The following CAPN15 variants were observed in gnomAD, a reference collection of about 807,000 sequenced individuals.
The protein encoded by CAPN15 is calpain-15.
Under a neutral mutation model 97.9 loss-of-function variants are expected in CAPN15, and 53 were observed. The observed-to-expected ratio is 0.54, with a 90% CI of 0.43 to 0.68. The LOEUF is 0.68. Among genes scored for constraint, CAPN15 ranks in the 30% least tolerant of loss-of-function variants. CAPN15 has a pLI of 0.00. For synonymous variants in CAPN15, 922 were observed against 722.5 expected, an observed-to-expected ratio of 1.28 and a Z score of -4.43; for missense variants, 1,592 against 1,589.8, an observed-to-expected ratio of 1.00 and a Z score of -0.02.
intron 3 of CAPN15, among the ~76,000 whole-genome samples, chr16:543,633 C>T (rs1379122832): frequency 6.6e-6 from 1 of 152,184 alleles, no homozygotes; most frequent in Non-Finnish European, 1.5e-5. Context: ...AAACAGGCCC[C>T]CAAGGTGCAT....
rs763102055 is a variant in CAPN15, at chr16:548,180, G to A, written c.1342G>A (p.Ala448Thr). Residue 448 changes from alanine to threonine, a missense_variant, in exon 4 of 14, where the codon GCC (alanine) becomes ACC (threonine). Physicochemically the swap from Ala to Thr is moderately conservative, Grantham distance 58. This residue lies in a region of CAPN15 where 883 missense variants were observed against 776.6 expected (regional missense o/e 1.14). Coordinates refer to ENST00000219611, the MANE Select transcript of CAPN15 (RefSeq NM_005632.3). ...GCTCCTGGTGGCCCAGCGGCGGGGG[G>A]CCGCGCCCCTGAGGCGCAGGGAGAG... ...PQLLVAQRRG[A>T]APLRRRESMH... The A allele has an allele frequency of 1.4e-5, 22 of 1,531,142 alleles. No individual in the cohort carries two copies. In the African/African-American group the frequency reaches 1.7e-4, roughly 12 times the overall value. 94.8% of individuals were successfully genotyped at this position (1,531,142 alleles called of 1,614,324 possible).
Position 547,297 on chromosome 16 carries a change from G to T in CAPN15, c.459G>T (p.Thr153=). 2 of 1,518,304 alleles carry T rather than the reference G, an allele frequency of 1.3e-6. No individual in the cohort carries two copies. Among genetic ancestry groups the T allele is most frequent in the Non-Finnish European group, 1.8e-6 (2 of 1,137,532 alleles). The allele number at this position is 1,518,304 out of a possible 1,614,324, so 94.1% of individuals were successfully genotyped here. A position where few individuals can be genotyped will look rare whatever the true frequency, so the allele number is the denominator to read the frequency against. The change falls in exon 4 of 14, where the codon ACG becomes ACT. Residue 153 remains threonine (T), a synonymous_variant. Coordinates refer to ENST00000219611, the MANE Select transcript of CAPN15 (RefSeq NM_005632.3). Reference sequence around the variant, plus strand: ...GGGGCTGGGCGTGTCCGCGTTGCACGCTGCACAACACGCCCGTGGCCAGCT... The same window carrying T: ...GGGGCTGGGCGTGTCCGCGTTGCACTCTGCACAACACGCCCGTGGCCAGCT... ...PRGGWACPRC[T]LHNTPVASSC...
At position 553,388 on chromosome 16, in the gene CAPN15, A is replaced by G. The variant is rs1337353865; in HGVS notation, c.3133A>G (p.Ile1045Val). 3 of 1,605,302 alleles carry G rather than the reference A, an allele frequency of 1.9e-6. No homozygotes were observed. Among genetic ancestry groups the G allele is most frequent in the African/African-American group, 1.4e-5 (1 of 72,300 alleles). ...GCTAGAGGGCAACGCCGGCTTCTCT[A>G]TCACCCACCGCCTGGCACATCGCAA... ...SQLEGNAGFS[I>V]THRLAHRKAA... is the part of the protein sequence containing the mutation. Residue 1045 changes from isoleucine (I) to valine (V), a missense_variant, in exon 14 of 14, where the codon ATC becomes GTC. Around this residue, in one of 3 missense-constraint regions of CAPN15, gnomAD observed 644 missense variants for 699.6 expected, o/e 0.92. Transcript: ENST00000219611.
At position 535,059 on chromosome 16, in the gene CAPN15, G is replaced by C. The variant is rs1012524910; in HGVS notation, c.-136-970G>C. ...CAGCTGTGGGTGCCGCCCGCGCAAG[G>C]CTGGGGGTCGCTGTGCCAGCCCTGC... is the stretch of plus-strand genomic sequence containing the variant. On this transcript the variant is annotated intron_variant, in intron 2 of 13. Coordinates refer to ENST00000219611, the MANE Select transcript of CAPN15 (RefSeq NM_005632.3). This position sits in a 1 kb window ranked among gnomAD's most constrained non-coding sequence, Gnocchi z 6.2. Among the ~76,000 whole-genome samples, 2 of 152,066 alleles carry C rather than the reference G, an allele frequency of 1.3e-5. No homozygotes were observed. Among genetic ancestry groups the C allele is most frequent in the African/African-American group, 4.8e-5 (2 of 41,388 alleles).
Position 536,061 on chromosome 16 carries a change from C to G in CAPN15, c.-104C>G, listed in dbSNP as rs12924790. ...GCCAGGATGGGAACCACGGACTGACCTGACCTGCGTCCTCGGGGCCACTGC... is the reference window on the plus strand; with the variant it reads ...GCCAGGATGGGAACCACGGACTGACGTGACCTGCGTCCTCGGGGCCACTGC... On this transcript the variant is annotated 5_prime_UTR_variant, in exon 3 of 14. Coordinates refer to ENST00000219611, the MANE Select transcript of CAPN15 (RefSeq NM_005632.3). 29,101 of 953,516 alleles carry G rather than the reference C, an allele frequency of 0.031. 501 individuals carry two copies. Among genetic ancestry groups the G allele is most frequent in the Middle Eastern group, 0.038 (71 of 1,854 alleles). 59.1% of individuals were successfully genotyped at this position (953,516 alleles called of 1,614,324 possible). A position where few individuals can be genotyped will look rare whatever the true frequency, so the allele number is the denominator to read the frequency against.
intron 3 of CAPN15, among the ~76,000 whole-genome samples, chr16:543,680 G>C (rs947960480): frequency 1.3e-5 from 2 of 152,182 alleles, no homozygotes; most frequent in African/African-American, 4.8e-5. Flanking sequence ...GGGCGAGAGC[G>C]GTGGGCGAGC....
chr16:529,225 G>C (rs962585543), intron 1 of CAPN15, among the ~76,000 whole-genome samples: 10 of 152,130 alleles, frequency 6.6e-5, no homozygotes, highest in Non-Finnish European at 1.3e-4. Context: ...GTCCCCAGGA[G>C]AGCCCGAGGC....
chr16:551,991 C>T, intron 9 of CAPN15, 60 bp from the exon 10 acceptor site: 1 of 1,513,676 alleles, frequency 6.6e-7, no homozygotes, highest in South Asian at 1.2e-5. Context: ...GCGGTAGGCG[C>T]TGAGCCACGG....
Position 549,829 on chromosome 16 carries a change from A to G in CAPN15, c.2057A>G (p.Lys686Arg), listed in dbSNP as rs1205321975. 1 of 1,579,792 alleles carries G rather than the reference A, an allele frequency of 6.3e-7. No homozygotes were observed. Among genetic ancestry groups the G allele is most frequent in the Admixed American group, 1.8e-5 (1 of 56,094 alleles). The change falls in exon 7 of 14, where the codon AAG (lysine) becomes AGG (arginine). Residue 686 changes from lysine (K) to arginine (R), a missense_variant. Lys to Arg is a conservative substitution (Grantham distance 26, BLOSUM62 2). This residue lies in a region of CAPN15 where 644 missense variants were observed against 699.6 expected (regional missense o/e 0.92). Transcript: ENST00000219611. ...DLIWAKMLSS[K>R]EAGFLMGASC... ...ATCTGGGCCAAAATGCTGAGTTCTA[A>G]GGAGGCTGGGTAAGAGGAGGGGCAC...
intron 1 of CAPN15, among the ~76,000 whole-genome samples, chr16:529,053 G>C (rs2033056686): frequency 6.6e-6 from 1 of 152,180 alleles, no homozygotes; most frequent in African/African-American, 2.4e-5. Flanking sequence ...GGGGGAGGCA[G>C]GTCCTGCAGG....
At position 549,789 on chromosome 16, in the gene CAPN15, G is replaced by T; in HGVS notation, c.2017G>T (p.Val673Phe). The T allele has an allele frequency of 6.3e-7, 1 of 1,592,134 alleles. No individual in the cohort carries two copies. The highest frequency in any genetic ancestry group is 8.6e-7 in the Non-Finnish European group (1 of 1,169,280). The change falls in exon 7 of 14, where the codon GTT becomes TTT. Residue 673 changes from valine to phenylalanine, a missense_variant. Around this residue, in one of 3 missense-constraint regions of CAPN15, gnomAD observed 644 missense variants for 699.6 expected, o/e 0.92. Coordinates refer to ENST00000219611, the MANE Select transcript of CAPN15 (RefSeq NM_005632.3). ...LSSTNPREEP[V>F]DTDLIWAKML... is the part of the protein sequence containing the mutation. ...CTCCACTAACCCCCGCGAGGAGCCC[G>T]TTGACACTGACCTCATCTGGGCCAA...
chr16:542,342 T>G (rs11860003), intron 3 of CAPN15, among the ~76,000 whole-genome samples: 1 of 152,136 alleles, frequency 6.6e-6, no homozygotes, highest in African/African-American at 2.4e-5. Context: ...CATAATGTCT[T>G]GAGGAACTGC....
At position 552,772 on chromosome 16, in the gene CAPN15, G is replaced by C; in HGVS notation, c.2904+1G>C. The C allele has an allele frequency of 6.5e-7, 1 of 1,528,516 alleles. No homozygotes were observed. The highest frequency in any genetic ancestry group is 8.8e-7 in the Non-Finnish European group (1 of 1,135,034). 94.7% of individuals were successfully genotyped at this position (1,528,516 alleles called of 1,614,324 possible). ...CGAGAGCCGCGGAGAGCGGCACGAG[G>C]TGGGTGGGGGTCCCGGGGGAGGGTG... is the stretch of plus-strand genomic sequence containing the variant. On this transcript the variant is annotated splice_donor_variant, in intron 12 of 13. Transcript: ENST00000219611. LOFTEE classifies it high-confidence loss of function. The surrounding 1 kb of genome is among the most constrained non-coding windows in gnomAD (Gnocchi z 6.4).
rs748615189 is a variant in CAPN15, at chr16:552,594, C to T, written c.2738-11C>T. ...CGGGGAGGGCTGCGGTTCACACGCC[C>T]GTCCTTGTAGCCTCCAGCCCCTCGG... On this transcript the variant is annotated splice_polypyrimidine_tract_variant and intron_variant, in intron 11 of 13. Transcript: ENST00000219611. This position sits in a 1 kb window ranked among gnomAD's most constrained non-coding sequence, Gnocchi z 6.4. The T allele has an allele frequency of 2.5e-5, 39 of 1,545,762 alleles. No individual in the cohort carries two copies. The highest frequency in any genetic ancestry group is 1.9e-4 in the East Asian group (8 of 41,504).
chr16:529,911 C>T (rs1402108294), intron 1 of CAPN15, among the ~76,000 whole-genome samples: 1 of 152,120 alleles, frequency 6.6e-6, no homozygotes, highest in Non-Finnish European at 1.5e-5. Context: ...GAAGGAGGCC[C>T]CCAACCCGGG....
chr16:539,538 C>G (rs1285989249), intron 3 of CAPN15: 1 of 152,314 alleles, frequency 6.6e-6, no homozygotes, highest in African/African-American at 2.4e-5. Context: ...TGGCTCTCGC[C>G]CCTCTGGAGG....
At chr16:536,181 A>C (rs1198937070) in intron 3 of CAPN15, 39 bp downstream of exon 3, 5 of 652,352 alleles carry the variant, frequency 7.7e-6, no homozygotes, top group Non-Finnish European at 9.5e-6. Flanking sequence ...TGGCCGCAGC[A>C]GGCCCTGTCC....
intron 7 of CAPN15, among the ~76,000 whole-genome samples, chr16:550,560 G>A (rs779539396): frequency 6.6e-6 from 1 of 152,246 alleles, no homozygotes; most frequent in Non-Finnish European, 1.5e-5. Context: ...CCCGGTCAGT[G>A]AGGGCCCCGC....
At position 547,141 on chromosome 16, in the gene CAPN15, C is replaced by T. The variant is rs201267446; in HGVS notation, c.303C>T (p.Cys101=). The part of the protein sequence containing the change: ...PAILGEPKGS[C]QEEAGPVRTA... ...TCCTGGGGGAGCCCAAGGGCAGCTGCCAGGAGGAAGCAGGTCCAGTGAGGA... is the reference window on the plus strand; with the variant it reads ...TCCTGGGGGAGCCCAAGGGCAGCTGTCAGGAGGAAGCAGGTCCAGTGAGGA... Residue 101 remains cysteine (C), a synonymous_variant, in exon 4 of 14, where the codon TGC becomes TGT. Transcript: ENST00000219611. 650 of 1,555,164 alleles carry T rather than the reference C, an allele frequency of 4.2e-4. No homozygotes were observed. In the African/African-American group the frequency reaches 8.2e-3, roughly 20 times the overall value.
Sources: gnomAD v4.1 joint callset for allele counts (sites outside exome capture counted in the v4.1 genomes callset) on GRCh38, gnomAD v4.1.1 for gene constraint, gnomAD v4.1.1 regional missense constraint, Gnocchi (gnomAD v3.1) non-coding constraint, MANE v1.5 for transcripts, NCBI Gene and HGNC (gene_info 2026-07-23, HGNC 2026-07-21) for gene names.